PTGES3: variants seen among roughly 807,000 people sequenced by gnomAD.
The protein encoded by PTGES3 is prostaglandin E synthase 3.
PTGES3 carries 5 observed loss-of-function variants against 29.9 expected under a neutral mutation model. The observed-to-expected ratio is 0.17, with a 90% CI of 0.09 to 0.35. The LOEUF (loss-of-function observed/expected upper bound fraction) is 0.35. Ranked by LOEUF, PTGES3 falls within the 10% of genes least tolerant of loss-of-function variation. The pLI is 1.00. For missense variants in PTGES3, 128 were observed against 190.0 expected (o/e 0.67, Z 1.92); for synonymous variants, 49 against 57.8 (o/e 0.85, Z 0.69).
chr12:56,687,490 G>A (rs776613023), intron 1 of PTGES3: 6 of 993,160 alleles, frequency 6.0e-6, no homozygotes, highest in South Asian at 4.5e-5. Context: ...TAGTTGCCTA[G>A]CAGTACCTGC....
intron 1 of PTGES3, among the ~76,000 whole-genome samples, chr12:56,679,686 G>A (rs779309483): frequency 1.8e-4 from 28 of 151,700 alleles, no homozygotes; most frequent in Non-Finnish European, 3.4e-4. Context: ...TGTTTTTTTA[G>A]ACGGAGTCTC....
intron 1 of PTGES3, among the ~76,000 whole-genome samples, chr12:56,678,301 T>C (rs190268918): frequency 1.7e-3 from 261 of 152,090 alleles, no homozygotes; most frequent in Middle Eastern, 6.8e-3. Flanking sequence ...CCTCAGTCCC[T>C]TGAGTAGCTG....
At chr12:56,672,924 A>C in intron 2 of PTGES3, 28 bp downstream of exon 2, 1 of 1,576,980 alleles carries the variant, frequency 6.3e-7, no homozygotes, top group Non-Finnish European at 8.6e-7. Context: ...TGACTATTTT[A>C]CATCATTGGA....
chr12:56,673,789 CAAAA>C (rs57371154), intron 1 of PTGES3, among the ~76,000 whole-genome samples: 69 of 92,328 alleles, frequency 7.5e-4, no homozygotes, highest in African/African-American at 1.8e-3. Flanking sequence ...GAGACTGTCT[CAAAA>C]AAAAAAAAAA....
intron 2 of PTGES3, 70 bp downstream of exon 2, chr12:56,672,882 A>C: frequency 6.4e-7 from 1 of 1,552,304 alleles, no homozygotes; most frequent in Non-Finnish European, 8.7e-7. Context: ...CAATGAAAAG[A>C]CAAGCCAGTC....
chr12:56,675,584 A>G (rs1257785657), intron 1 of PTGES3, among the ~76,000 whole-genome samples: 1 of 151,352 alleles, frequency 6.6e-6, no homozygotes, highest in Non-Finnish European at 1.5e-5. Context: ...AAAGCTGAAT[A>G]TTTACTGGCT....
intron 1 of PTGES3, among the ~76,000 whole-genome samples, chr12:56,684,819 T>C (rs1354658353): frequency 6.6e-6 from 1 of 152,136 alleles, no homozygotes; most frequent in Non-Finnish European, 1.5e-5. Flanking sequence ...TTTATGTAAA[T>C]TATGAGACAA....
At chr12:56,665,821 G>T (rs1328075721) in intron 6 of PTGES3, 104 of 737,254 alleles carry the variant, frequency 1.4e-4, no homozygotes, top group Non-Finnish European at 1.7e-4. Flanking sequence ...TTTAAGACAG[G>T]GTTTCACCAT....
In PTGES3 at chr12:56,688,254, A is replaced by G. The variant is rs1176407648; in HGVS notation, c.-255T>C. 1 of 580,958 alleles carries G rather than the reference A, an allele frequency of 1.7e-6. No individual in the cohort carries two copies. The highest frequency in any genetic ancestry group is 2.7e-6 in the Non-Finnish European group (1 of 370,332). The allele number at this position is 580,958 out of a possible 1,614,324, so 36.0% of individuals were successfully genotyped here. On this transcript the variant is annotated 5_prime_UTR_variant, in exon 1 of 8. Coordinates refer to ENST00000262033, the MANE Select transcript of PTGES3 (RefSeq NM_006601.7). Reference sequence around the variant, plus strand: ...AAAGGGGCGCGAGGACGGAGAATGAACGTGCGTGCGTGCAAACGAGGGGTG... The same window carrying G: ...AAAGGGGCGCGAGGACGGAGAATGAGCGTGCGTGCGTGCAAACGAGGGGTG...
At chr12:56,687,748 G>A (rs949524342) in intron 1 of PTGES3, 56 of 1,375,916 alleles carry the variant, frequency 4.1e-5, no homozygotes, top group Non-Finnish European at 4.6e-5. Context: ...GACAGCCAAA[G>A]GGGTAAAAGT....
At position 56,666,188 on chromosome 12, in the gene PTGES3, G is replaced by T. The variant is rs761996722; in HGVS notation, c.438+16C>A. 16 of 1,598,582 alleles carry T rather than the reference G, an allele frequency of 1.0e-5. No homozygotes were observed. The highest frequency in any genetic ancestry group is 1.7e-4 in the Middle Eastern group (1 of 5,996). ...ATAGTATGAAAGTAAACAGAAAAAAGAATTTTTAGACTTACATCATCTGCT... is the reference window on the plus strand; with the variant it reads ...ATAGTATGAAAGTAAACAGAAAAAATAATTTTTAGACTTACATCATCTGCT... On this transcript the variant is annotated intron_variant, in intron 6 of 7. Coordinates refer to ENST00000262033, the MANE Select transcript of PTGES3 (RefSeq NM_006601.7).
chr12:56,666,511 T>C (rs961850470), intron 5 of PTGES3, among the ~76,000 whole-genome samples: 3 of 152,236 alleles, frequency 2.0e-5, no homozygotes, highest in East Asian at 1.9e-4. Flanking sequence ...TGCAACAGGT[T>C]TGACAAACAT....
At position 56,671,739 on chromosome 12, in the gene PTGES3, T is replaced by C. The variant is rs1952014916; in HGVS notation, c.285+10A>G. 2 of 1,490,300 alleles carry C rather than the reference T, an allele frequency of 1.3e-6. No individual in the cohort carries two copies. Among genetic ancestry groups the C allele is most frequent in the East Asian group, 4.8e-5 (2 of 41,724 alleles). The allele number at this position is 1,490,300 out of a possible 1,614,324, so 92.3% of individuals were successfully genotyped here. A position where few individuals can be genotyped will look rare whatever the true frequency, so the allele number is the denominator to read the frequency against. ...TATCAAACTTTTCAAAAAAGGAAAATGAAACCTACCTTTGCCCTTTCTTTT... is the reference window on the plus strand; with the variant it reads ...TATCAAACTTTTCAAAAAAGGAAAACGAAACCTACCTTTGCCCTTTCTTTT... On this transcript the variant is annotated intron_variant, in intron 4 of 7. Coordinates refer to ENST00000262033, the MANE Select transcript of PTGES3 (RefSeq NM_006601.7).
At chr12:56,682,349 A>C (rs1952580647) in intron 1 of PTGES3, among the ~76,000 whole-genome samples, 1 of 152,126 alleles carries the variant, frequency 6.6e-6, no homozygotes. Context: ...GCTTGAGCCC[A>C]AGAGTTTGAG....
At chr12:56,686,796 C>A (rs1167303314) in intron 1 of PTGES3, 1 of 398,276 alleles carries the variant, frequency 2.5e-6, no homozygotes, top group Non-Finnish European at 4.4e-6. Context: ...TTCAGCCTCA[C>A]GCATCCCTTT....
At chr12:56,687,386 G>C in intron 1 of PTGES3, 1 of 987,682 alleles carries the variant, frequency 1.0e-6, no homozygotes, top group Non-Finnish European at 1.2e-6. Context: ...GTTTTCAAGA[G>C]ACTGGAGTTA....
At chr12:56,668,191 A>C (rs1196235010) in intron 5 of PTGES3, among the ~76,000 whole-genome samples, 1 of 152,230 alleles carries the variant, frequency 6.6e-6, no homozygotes, top group African/African-American at 2.4e-5. Flanking sequence ...CACACAAAAA[A>C]GGATTCAGTA....
At chr12:56,669,674 C>A (rs1951926733) in intron 5 of PTGES3, among the ~76,000 whole-genome samples, 1 of 152,006 alleles carries the variant, frequency 6.6e-6, no homozygotes, top group Non-Finnish European at 1.5e-5. Context: ...TCCAGTGGCA[C>A]GATCTCGGCT....
intron 1 of PTGES3, chr12:56,687,740 C>G (rs1007451725): frequency 7.3e-7 from 1 of 1,367,386 alleles, no homozygotes; most frequent in South Asian, 1.7e-5. Flanking sequence ...GTAACCCAGA[C>G]AGCCAAAGGG....
Sources: allele counts gnomAD v4.1 joint callset (sites outside exome capture counted in the v4.1 genomes callset), GRCh38; gene constraint gnomAD v4.1.1; transcripts MANE v1.5; gene names NCBI Gene and HGNC (gene_info 2026-07-23, HGNC 2026-07-21).